MACROD2: variants seen among roughly 807,000 people sequenced by gnomAD.
MACROD2 encodes ADP-ribose glycohydrolase MACROD2.
A neutral mutation model predicts 70.4 loss-of-function variants in MACROD2; 36 were observed. That is an observed-to-expected ratio of 0.51 (90% CI 0.39 to 0.68). The LOEUF (loss-of-function observed/expected upper bound fraction) is 0.68. MACROD2 is among the 30% of genes least tolerant of loss of function. The pLI, the probability that MACROD2 is intolerant of heterozygous loss-of-function variation, is 0.00. For synonymous variants in MACROD2, 172 were observed against 178.8 expected, an observed-to-expected ratio of 0.96 and a Z score of 0.30; for missense variants, 496 against 538.4, an observed-to-expected ratio of 0.92 and a Z score of 0.78.
intron 5 of MACROD2, among the ~76,000 whole-genome samples, chr20:15,176,480 G>A (rs552791566): frequency 6.6e-6 from 1 of 152,106 alleles, no homozygotes; most frequent in Non-Finnish European, 1.5e-5. Context: ...CCCAGACTCA[G>A]CCAGACTTGA....
chr20:15,796,758 A>G (rs1484638906), intron 8 of MACROD2, among the ~76,000 whole-genome samples: 2 of 152,232 alleles, frequency 1.3e-5, no homozygotes, highest in Admixed American at 1.3e-4. Flanking sequence ...TCTAAATAAC[A>G]TGAAATGAGT....
At chr20:14,798,955 C>T (rs536253030) in intron 5 of MACROD2, among the ~76,000 whole-genome samples, 1 of 151,730 alleles carries the variant, frequency 6.6e-6, no homozygotes, top group East Asian at 1.9e-4. Flanking sequence ...GAGTAAAATT[C>T]AACTGTATAT....
intron 8 of MACROD2, among the ~76,000 whole-genome samples, chr20:15,522,046 T>C (rs2047660158): frequency 6.6e-6 from 1 of 152,206 alleles, no homozygotes; most frequent in Admixed American, 6.5e-5. Context: ...TTGCCCATCT[T>C]TGAAATGGAG....
intron 8 of MACROD2, among the ~76,000 whole-genome samples, chr20:15,825,165 G>GC (rs35597267): frequency 4.6e-5 from 7 of 152,162 alleles, no homozygotes; most frequent in African/African-American, 1.7e-4. Context: ...TTTTTGTCAT[G>GC]CCCCCCACTG....
rs559165887 is a variant in MACROD2 at position 15,978,380 on chromosome 20, G to A, written c.986-8347G>A. Among the ~76,000 whole-genome samples the A allele has an allele frequency of 9.2e-5, 14 of 152,288 alleles. No individual in the cohort carries two copies. The East Asian group carries it at 1.7e-3, about 19-fold the overall frequency. On this transcript the variant is annotated intron_variant, in intron 13 of 17. Transcript: ENST00000684519. ...TGGCATGGGGGAGGTCATGAGAAACGTGGATAAACCTAAGTTACACCCTCT... is the reference window on the plus strand; with the variant it reads ...TGGCATGGGGGAGGTCATGAGAAACATGGATAAACCTAAGTTACACCCTCT...
At chr20:15,258,045 A>T (rs1046075673) in intron 6 of MACROD2, among the ~76,000 whole-genome samples, 16 of 149,030 alleles carry the variant, frequency 1.1e-4, no homozygotes, top group South Asian at 2.1e-4. Flanking sequence ...TCAAAAGTTT[A>T]AAAAAAAAGG....
chr20:14,326,830 T>G lies in MACROD2; in HGVS notation c.272-166649T>G, dbSNP rs1345197008. On this transcript the variant is annotated intron_variant, in intron 3 of 17. Transcript: ENST00000684519. This position sits in a 1 kb window ranked among gnomAD's most constrained non-coding sequence, Gnocchi z 5.5. ...CCGCACCAGGGACAGCTCTGTCAAATTAACTAGGTTGAAGAAAACTTTGTC... is the reference window on the plus strand; with the variant it reads ...CCGCACCAGGGACAGCTCTGTCAAAGTAACTAGGTTGAAGAAAACTTTGTC... The G allele has an allele frequency of 6.2e-7, 1 of 1,613,710 alleles. No homozygotes were observed. Among genetic ancestry groups the G allele is most frequent in the South Asian group, 1.1e-5 (1 of 91,074 alleles).
intron 8 of MACROD2, among the ~76,000 whole-genome samples, chr20:15,850,414 A>C (rs1014781372): frequency 8.5e-5 from 13 of 152,204 alleles, no homozygotes; most frequent in Middle Eastern, 3.2e-3. Context: ...CCCTCAGGCA[A>C]AGAAGTGCAG....
At chr20:14,268,558 A>C (rs568553243) in intron 3 of MACROD2, among the ~76,000 whole-genome samples, 89 of 152,224 alleles carry the variant, frequency 5.8e-4, no homozygotes, top group African/African-American at 2.0e-3. Context: ...GAAAATTTCC[A>C]TAGATGATGG....
At chr20:15,959,688 CCTGG>C (rs2066031321) in intron 12 of MACROD2, among the ~76,000 whole-genome samples, 1 of 152,110 alleles carries the variant, frequency 6.6e-6, no homozygotes, top group Non-Finnish European at 1.5e-5. Context: ...CTTCACCACA[CCTGG>C]CTAACGTTTT....
intron 8 of MACROD2, among the ~76,000 whole-genome samples, chr20:15,787,839 T>C (rs2051956327): frequency 6.6e-6 from 1 of 152,236 alleles, no homozygotes; most frequent in South Asian, 2.1e-4. Flanking sequence ...TTCTCTCCTG[T>C]GAATAAGCCT....
chr20:15,167,738 C>T (rs4814348), intron 5 of MACROD2, among the ~76,000 whole-genome samples: 40,103 of 151,936 alleles, frequency 0.26, 6,553 homozygotes, highest in African/African-American at 0.46. Flanking sequence ...CATGGCTCCA[C>T]CCACCCAGGT....
intron 2 of MACROD2, among the ~76,000 whole-genome samples, chr20:14,025,327 A>G (rs900905810): frequency 1.4e-4 from 22 of 152,038 alleles, no homozygotes; most frequent in African/African-American, 5.3e-4. Context: ...TCCTGGATTC[A>G]TTGATGTTTT....
rs188919535 is a variant in MACROD2 at position 14,672,711 on chromosome 20, C to T, written c.302-12132C>T. On this transcript the variant is annotated intron_variant, in intron 4 of 17. Transcript: ENST00000684519. ...ATTACATAGATGCAAAAATTCTAAG[C>T]GACAGAGACTGGCATTTTGATTTTA... Among the ~76,000 whole-genome samples, 327 of 152,208 alleles carry T rather than the reference C, an allele frequency of 2.1e-3. 2 individuals carry two copies. The highest frequency in any genetic ancestry group is 7.1e-3 in the African/African-American group (297 of 41,546).
chr20:14,425,133 A>G (rs1428485619), intron 3 of MACROD2, among the ~76,000 whole-genome samples: 1 of 151,930 alleles, frequency 6.6e-6, no homozygotes, highest in Non-Finnish European at 1.5e-5. Flanking sequence ...TTTTTCATTT[A>G]CTCTTTGGTC....
intron 8 of MACROD2, among the ~76,000 whole-genome samples, chr20:15,559,226 CAAAAAAAAAAAAAAAA>C (rs148608040): frequency 2.3e-5 from 1 of 43,248 alleles, no homozygotes; most frequent in African/African-American, 7.8e-5. Context: ...AACTCCGTCT[CAAAAAAAAAAAAAAAA>C]AAAAAAAAAA....
chr20:15,077,659 T>C (rs1448872575), intron 5 of MACROD2, among the ~76,000 whole-genome samples: 5 of 152,190 alleles, frequency 3.3e-5, no homozygotes, highest in Admixed American at 3.3e-4. Flanking sequence ...TTTGATTTGA[T>C]TAATCCTTAT....
chr20:14,231,908 T>G (rs2081817063), intron 3 of MACROD2, among the ~76,000 whole-genome samples: 1 of 152,252 alleles, frequency 6.6e-6, no homozygotes, highest in South Asian at 2.1e-4. Flanking sequence ...GAGCATTTTT[T>G]CATGTGTCTT....
chr20:14,216,482 A>G (rs2081623715), intron 3 of MACROD2, among the ~76,000 whole-genome samples: 2 of 152,112 alleles, frequency 1.3e-5, no homozygotes, highest in African/African-American at 4.8e-5. Context: ...TGCTTTGGCT[A>G]TGCAGGCTCT....
Sources: allele counts gnomAD v4.1 joint callset (sites outside exome capture counted in the v4.1 genomes callset), GRCh38; gene constraint gnomAD v4.1.1; non-coding constraint Gnocchi (gnomAD v3.1); transcripts MANE v1.5; gene names NCBI Gene and HGNC (gene_info 2026-07-23, HGNC 2026-07-21).